The following TENM2 variants were observed in gnomAD, a reference collection of about 807,000 sequenced individuals.
TENM2 encodes the protein teneurin transmembrane protein 2.
Under a neutral mutation model 245.2 loss-of-function variants are expected in TENM2, and 52 were observed. The observed-to-expected ratio is 0.21, with a 90% CI of 0.17 to 0.27. TENM2 has a LOEUF of 0.27. TENM2 is among the 10% of genes least tolerant of loss of function. TENM2 has a pLI of 1.00. For missense variants in TENM2, 3,046 were observed against 3,666.8 expected (o/e 0.83, Z 4.37); for synonymous variants, 1,363 against 1,438.9 (o/e 0.95, Z 1.19).
At chr5:167,009,199 G>A in the TENM2 span, among the ~76,000 whole-genome samples, 2 of 152,090 alleles carry the variant, frequency 1.3e-5, no homozygotes, top group Non-Finnish European at 2.9e-5. Context: ...ATGTACAGGT[G>A]TGCATGTTTG....
intron 2 of TENM2, among the ~76,000 whole-genome samples, chr5:167,379,687 T>A (rs1283458072): frequency 6.6e-6 from 1 of 152,024 alleles, no homozygotes; most frequent in Non-Finnish European, 1.5e-5. Context: ...GGAACAGACA[T>A]AAAAACTTAC....
At chr5:167,228,043 T>TTTTATTTTATTTTAC in the TENM2 span, among the ~76,000 whole-genome samples, 1 of 151,758 alleles carries the variant, frequency 6.6e-6, no homozygotes, top group Non-Finnish European at 1.5e-5. Flanking sequence ...TTTTATTTTA[T>TTTTATTTTATTTTAC]TTTTTGACTG....
At chr5:168,037,036 A>G (rs1458444279) in intron 5 of TENM2, among the ~76,000 whole-genome samples, 1 of 152,126 alleles carries the variant, frequency 6.6e-6, no homozygotes, top group Non-Finnish European at 1.5e-5. Flanking sequence ...CCTGGGAGAT[A>G]GAACTAATTT....
intron 2 of TENM2, among the ~76,000 whole-genome samples, chr5:167,516,468 TAGA>T (rs1770385219): frequency 2.0e-5 from 3 of 152,316 alleles, no homozygotes; most frequent in African/African-American, 7.2e-5. Flanking sequence ...TCTCTGCACC[TAGA>T]AGAATTGTAG....
At position 167,614,358 on chromosome 5, in the gene TENM2, T is replaced by G. The variant is rs1002504507; in HGVS notation, c.502+238885T>G. ...CCCTTTCCCTACGTTTTGCATAGGA[T>G]CCTCTCCTTCACCCAGCGAGAAGGC... On this transcript the variant is annotated intron_variant, in intron 2 of 28. Transcript: ENST00000518659. Among the ~76,000 whole-genome samples, 6 of 152,102 alleles carry G rather than the reference T, an allele frequency of 3.9e-5. 1 individual carries two copies. The highest frequency in any genetic ancestry group is 2.6e-4 in the Admixed American group (4 of 15,246).
In TENM2 at chr5:168,242,849, A is replaced by G. The variant is rs1766223662; in HGVS notation, c.5521-1571A>G. Reference sequence around the variant, plus strand: ...ATGCCTCTAATCCCAACTACTCAGGAGGGAGGCTGAGGCAGGAGAATCACT... The same window carrying G: ...ATGCCTCTAATCCCAACTACTCAGGGGGGAGGCTGAGGCAGGAGAATCACT... On this transcript the variant is annotated intron_variant, in intron 25 of 28. Transcript: ENST00000518659. Among the ~76,000 whole-genome samples the G allele has an allele frequency of 2.0e-5, 3 of 151,922 alleles. No individual in the cohort carries two copies. The South Asian group carries it at 6.2e-4, about 32-fold the overall frequency.
the TENM2 span, among the ~76,000 whole-genome samples, chr5:167,120,919 G>A: frequency 6.6e-6 from 1 of 152,192 alleles, no homozygotes; most frequent in Non-Finnish European, 1.5e-5. Flanking sequence ...CAGAGCAGAA[G>A]TACTTATGCC....
intron 4 of TENM2, among the ~76,000 whole-genome samples, chr5:167,990,110 A>T (rs142092710): frequency 6.6e-6 from 1 of 152,274 alleles, no homozygotes; most frequent in East Asian, 1.9e-4. Flanking sequence ...TCCTATTTTC[A>T]CTACTCACTC....
intron 2 of TENM2, among the ~76,000 whole-genome samples, chr5:167,474,285 T>C (rs1453793855): frequency 6.6e-6 from 1 of 152,166 alleles, no homozygotes; most frequent in African/African-American, 2.4e-5. Context: ...TTTTGTTTAA[T>C]TTTACATTCA....
intron 2 of TENM2, among the ~76,000 whole-genome samples, chr5:167,414,391 A>G (rs765462703): frequency 6.6e-6 from 1 of 152,182 alleles, no homozygotes; most frequent in Admixed American, 6.6e-5. Context: ...TCTTTAAAAA[A>G]TTGATTGGAA....
intron 1 of TENM2, among the ~76,000 whole-genome samples, chr5:167,295,801 A>G (rs1754916897): frequency 6.6e-6 from 1 of 152,050 alleles, no homozygotes. Context: ...GCTGCAGCCA[A>G]ACTCTCTCAC....
At chr5:167,807,630 A>ATTTT (rs1561803898) in intron 2 of TENM2, among the ~76,000 whole-genome samples, 1 of 22,576 alleles carries the variant, frequency 4.4e-5, no homozygotes, top group East Asian at 1.1e-3. Context: ...TTTTTAAAAA[A>ATTTT]AAAAAAAAAG....
chr5:168,027,075 C>T (rs1410764101), intron 5 of TENM2, among the ~76,000 whole-genome samples: 4 of 152,018 alleles, frequency 2.6e-5, no homozygotes, highest in Non-Finnish European at 5.9e-5. Flanking sequence ...TAGGCGCTTG[C>T]ATGTGCACCT....
intron 7 of TENM2, among the ~76,000 whole-genome samples, chr5:168,090,217 A>ACC (rs1453169468): frequency 3.1e-5 from 3 of 96,582 alleles, no homozygotes; most frequent in South Asian, 4.7e-4. Flanking sequence ...CACTCCCCCC[A>ACC]CCACACACAC....
At chr5:167,353,809 A>T (rs1179951235) in intron 1 of TENM2, among the ~76,000 whole-genome samples, 14 of 152,056 alleles carry the variant, frequency 9.2e-5, no homozygotes, top group Admixed American at 9.2e-4. Flanking sequence ...GCCCGGCCGT[A>T]TATGGTGTTT....
chr5:167,715,837 A>G (rs1027551134), intron 2 of TENM2, among the ~76,000 whole-genome samples: 8 of 152,142 alleles, frequency 5.3e-5, no homozygotes, highest in African/African-American at 1.9e-4. Context: ...GCATTCTACT[A>G]TTTTTCAGTT....
intron 2 of TENM2, among the ~76,000 whole-genome samples, chr5:167,771,650 C>G (rs1763412843): frequency 6.6e-6 from 1 of 152,176 alleles, no homozygotes. Flanking sequence ...ATGACCAATC[C>G]TCTCTGAGCT....
chr5:167,804,370 C>T (rs2150963388), intron 2 of TENM2, among the ~76,000 whole-genome samples: 1 of 152,210 alleles, frequency 6.6e-6, no homozygotes, highest in South Asian at 2.1e-4. Flanking sequence ...CTTTGACATT[C>T]TATGCTGAGA....
At chr5:167,955,185 T>C (rs938378760) in intron 4 of TENM2, among the ~76,000 whole-genome samples, 3 of 152,204 alleles carry the variant, frequency 2.0e-5, no homozygotes, top group Admixed American at 6.5e-5. Context: ...GTTATCTCAT[T>C]GTGGTTTTGA....
Sources: gnomAD v4.1 joint callset for allele counts (sites outside exome capture counted in the v4.1 genomes callset) on GRCh38, gnomAD v4.1.1 for gene constraint, MANE v1.5 for transcripts, NCBI Gene and HGNC (gene_info 2026-07-23, HGNC 2026-07-21) for gene names.